The following SH2D1B variants were observed in gnomAD, a reference collection of about 807,000 sequenced individuals.
The protein encoded by SH2D1B is SH2 domain containing 1B.
A neutral mutation model predicts 16.3 loss-of-function variants in SH2D1B; 11 were observed. The observed-to-expected ratio is 0.67, with a 90% confidence interval of 0.42 to 1.11. The LOEUF is 1.11. SH2D1B is among the 50% of genes most tolerant of loss of function. SH2D1B has a pLI of 0.00. For missense variants in SH2D1B, 123 were observed against 153.1 expected (o/e 0.80, Z 1.04); for synonymous variants, 55 against 56.1 (o/e 0.98, Z 0.09).
intron 2 of SH2D1B, among the ~76,000 whole-genome samples, chr1:162,401,909 T>C (rs564889652): frequency 6.6e-6 from 1 of 152,348 alleles, no homozygotes; most frequent in East Asian, 1.9e-4. Flanking sequence ...ATGTTTATTA[T>C]ACTCTACTTC....
At chr1:162,407,227 A>G (rs1474577960) in intron 1 of SH2D1B, among the ~76,000 whole-genome samples, 1 of 152,224 alleles carries the variant, frequency 6.6e-6, no homozygotes, top group Non-Finnish European at 1.5e-5. Flanking sequence ...TCTAAGAAAT[A>G]AAGGGAAAGA....
rs57093863 is a variant in SH2D1B, at chr1:162,403,701, TACACACACAC to T, written c.135-909_135-900del. Among the ~76,000 whole-genome samples, 987 of 132,316 alleles carry T rather than the reference TACACACACAC, an allele frequency of 7.5e-3. 13 individuals carry two copies. Among genetic ancestry groups the T allele is most frequent in the African/African-American group, 0.024 (815 of 33,482 alleles). The allele number at this position is 132,316 out of a possible 152,430, so 86.8% of individuals were successfully genotyped here. On this transcript the variant is annotated intron_variant, in intron 1 of 3. Transcript: ENST00000367929. ...TGATTAATAGATGAATGAAGAAAGT[TACACACACAC>T]ACACACACACACACACACACACACA... is the stretch of plus-strand genomic sequence containing the variant.
chr1:162,405,593 A>G (rs1322244923), intron 1 of SH2D1B, among the ~76,000 whole-genome samples: 3 of 152,116 alleles, frequency 2.0e-5, no homozygotes, highest in East Asian at 1.9e-4. Context: ...TTTTGCAGTT[A>G]TGTTCTCAAT....
intron 2 of SH2D1B, among the ~76,000 whole-genome samples, chr1:162,399,965 G>A (rs1648468951): frequency 6.6e-6 from 1 of 152,122 alleles, no homozygotes; most frequent in Admixed American, 6.6e-5. Flanking sequence ...GCTTTAAAAG[G>A]TGAACCACCA....
intron 3 of SH2D1B, among the ~76,000 whole-genome samples, chr1:162,397,922 G>A (rs1648420110): frequency 1.3e-5 from 2 of 152,152 alleles, no homozygotes; most frequent in African/African-American, 4.8e-5. Flanking sequence ...ATTTGGGGGG[G>A]AAAGTAGCTG....
At chr1:162,403,011 C>T (rs539917456) in intron 1 of SH2D1B, among the ~76,000 whole-genome samples, 20 of 151,818 alleles carry the variant, frequency 1.3e-4, no homozygotes, top group South Asian at 1.2e-3. Context: ...CGGGTTCAAG[C>T]GATTCTCCTG....
At chr1:162,403,489 A>G (rs1429918490) in intron 1 of SH2D1B, among the ~76,000 whole-genome samples, 6 of 19,096 alleles carry the variant, frequency 3.1e-4, no homozygotes, top group Admixed American at 9.1e-4. Flanking sequence ...ACTCTGTCTG[A>G]AAAAAAAAAA....
Position 162,402,618 on chromosome 1 carries a change from T to C in SH2D1B, c.198+121A>G. ...GTTAACTCGATCTGACTCTCATCTC[T>C]GCATTGTGCTTTCCTTTTTAGAATG... On this transcript the variant is annotated intron_variant, in intron 2 of 3. Coordinates refer to ENST00000367929, the MANE Select transcript of SH2D1B (RefSeq NM_053282.5). The C allele has an allele frequency of 1.6e-5, 12 of 768,760 alleles. No individual in the cohort carries two copies. In the South Asian group the frequency reaches 1.9e-4, roughly 12 times the overall value. The allele number at this position is 768,760 out of a possible 1,614,324, so 47.6% of individuals were successfully genotyped here.
At chr1:162,406,463 T>C (rs758411381) in intron 1 of SH2D1B, among the ~76,000 whole-genome samples, 29 of 152,176 alleles carry the variant, frequency 1.9e-4, no homozygotes, top group Non-Finnish European at 3.8e-4. Flanking sequence ...TCATGTATAA[T>C]GAACCATTTA....
At chr1:162,406,589 C>T (rs1648659501) in intron 1 of SH2D1B, among the ~76,000 whole-genome samples, 1 of 151,842 alleles carries the variant, frequency 6.6e-6, no homozygotes, top group Non-Finnish European at 1.5e-5. Context: ...TTTTTTATAC[C>T]TTTCTCTATA....
intron 2 of SH2D1B, among the ~76,000 whole-genome samples, chr1:162,401,332 A>T (rs78230027): frequency 6.6e-6 from 1 of 152,142 alleles, no homozygotes; most frequent in Non-Finnish European, 1.5e-5. Flanking sequence ...CAGAAAAAAA[A>T]GTCTTAAAAT....
Position 162,399,064 on chromosome 1 carries a change from C to G in SH2D1B, c.222G>C (p.Gln74His), listed in dbSNP as rs200019982. 3 of 1,613,220 alleles carry G rather than the reference C, an allele frequency of 1.9e-6. No homozygotes were observed. Among genetic ancestry groups the G allele is most frequent in the Non-Finnish European group, 8.5e-7 (1 of 1,179,616 alleles). The change falls in exon 3 of 4, where the codon CAG becomes CAC. Residue 74 changes from glutamine (Q) to histidine (H), a missense_variant. By Grantham distance (24) the Gln-to-His change is conservative (BLOSUM62 0). Transcript: ENST00000367929. Reference protein sequence around the residue: ...RIQTAEGSPKQVFPSLKELIS... With the variant: ...RIQTAEGSPKHVFPSLKELIS... Reference sequence around the variant, plus strand: ...TCAGTTCCTTTAGGCTTGGAAAGACCTGTTTTGGAGAACCTTCTGCAGTCT... The same window carrying G: ...TCAGTTCCTTTAGGCTTGGAAAGACGTGTTTTGGAGAACCTTCTGCAGTCT...
At chr1:162,403,506 AAAAAAATATATATATATATATAT>A (rs1222735578) in intron 1 of SH2D1B, among the ~76,000 whole-genome samples, 1,475 of 24,426 alleles carry the variant, frequency 0.06, 49 homozygotes, top group Non-Finnish European at 0.095. Flanking sequence ...AAAAAAAAAA[AAAAAAATATATATATATATATAT>A]ATATATATAT....
chr1:162,403,320 C>T (rs10919350), intron 1 of SH2D1B, among the ~76,000 whole-genome samples: 1 of 150,906 alleles, frequency 6.6e-6, no homozygotes, highest in African/African-American at 2.4e-5. Context: ...GAAACCACGT[C>T]TCTACTAAAA....
At chr1:162,407,008 T>C (rs1025541933) in intron 1 of SH2D1B, among the ~76,000 whole-genome samples, 2 of 152,246 alleles carry the variant, frequency 1.3e-5, no homozygotes, top group African/African-American at 4.8e-5. Flanking sequence ...AGAAAACATT[T>C]CCTGTCCACA....
intron 1 of SH2D1B, among the ~76,000 whole-genome samples, chr1:162,407,018 A>C (rs906012381): frequency 3.3e-5 from 5 of 152,218 alleles, no homozygotes; most frequent in Non-Finnish European, 7.3e-5. Flanking sequence ...TCCTGTCCAC[A>C]GTTACCACAT....
At chr1:162,409,053 G>A (rs1359525027) in intron 1 of SH2D1B, among the ~76,000 whole-genome samples, 1 of 151,188 alleles carries the variant, frequency 6.6e-6, no homozygotes, top group African/African-American at 2.4e-5. Flanking sequence ...AGGTTGCAGT[G>A]AGCCATGATC....
At chr1:162,404,951 T>A (rs1265839425) in intron 1 of SH2D1B, among the ~76,000 whole-genome samples, 1 of 152,198 alleles carries the variant, frequency 6.6e-6, no homozygotes, top group Non-Finnish European at 1.5e-5. Flanking sequence ...TCCTGATTAT[T>A]TACCCAGGAG....
rs138857317 is a variant in SH2D1B at position 162,398,958 on chromosome 1, A to G, written c.328T>C (p.Trp110Arg). The change falls in exon 3 of 4, where the codon TGG becomes CGG. Residue 110 changes from tryptophan to arginine, a missense_variant. Trp to Arg is a moderately radical substitution (Grantham distance 101, BLOSUM62 -3). Coordinates refer to ENST00000367929, the MANE Select transcript of SH2D1B (RefSeq NM_053282.5). Reference sequence around the variant, plus strand: ...TCCAACTCTAATTTCAATCCTCTCCATCTCAAGCTGGGGCTGGTTCTCTTT... The same window carrying G: ...TCCAACTCTAATTTCAATCCTCTCCGTCTCAAGCTGGGGCTGGTTCTCTTT... The part of the protein sequence containing the change: ...PIKRTSPSLR[W>R]RGLKLELETF... 13 of 1,613,620 alleles carry G rather than the reference A, an allele frequency of 8.1e-6. No individual in the cohort carries two copies. Among genetic ancestry groups the G allele is most frequent in the Middle Eastern group, 3.3e-4 (2 of 6,082 alleles).
Sources: gnomAD v4.1 joint callset for allele counts (sites outside exome capture counted in the v4.1 genomes callset) on GRCh38, gnomAD v4.1.1 for gene constraint, MANE v1.5 for transcripts, NCBI Gene and HGNC (gene_info 2026-07-23, HGNC 2026-07-21) for gene names.